Variants in FAT4 observed in about 807,000 individuals in gnomAD.
FAT4 encodes the protein protocadherin Fat 4.
Under a neutral mutation model 303.9 loss-of-function variants are expected in FAT4, and 84 were observed. That is an observed-to-expected ratio of 0.28 (90% CI 0.23 to 0.33). The LOEUF (loss-of-function observed/expected upper bound fraction) is 0.33. FAT4 is among the 10% of genes least tolerant of loss of function. FAT4 has a pLI of 1.00. For missense variants in FAT4, 6,005 were observed against 6,146.8 expected, an observed-to-expected ratio of 0.98 and a Z score of 0.77; for synonymous variants, 2,307 against 2,298.8, an observed-to-expected ratio of 1.00 and a Z score of -0.10.
rs763558049 is a variant in FAT4 at position 125,317,548 on chromosome 4, G to A, written c.1137G>A (p.Leu379=). Residue 379 remains leucine, a synonymous_variant, in exon 2 of 18, where the codon CTG becomes CTA. Transcript: ENST00000394329. The surrounding 1 kb of genome is among the most constrained non-coding windows in gnomAD (Gnocchi z 7.0). ...CTCAAGTGGGCACCGTGGTGGCTCT[G>A]CTCACCGTGACGGACGCAGATTCTC... ...ENAQVGTVVA[L]LTVTDADSPA... is the part of the protein sequence containing the mutation. 4.3e-6 allele frequency: 7 copies of A among 1,613,890 alleles called. No individual in the cohort carries two copies. In the South Asian group the frequency reaches 7.7e-5, roughly 18 times the overall value.
At position 125,472,872 on chromosome 4, in the gene FAT4, C is replaced by A. The variant is rs1726911189; in HGVS notation, c.12214-3299C>A. ...CATCCATCAAACTGCATTCAGGGTCCTACCAGGTTATTAAATGTATGTTAC... is the reference window on the plus strand; with the variant it reads ...CATCCATCAAACTGCATTCAGGGTCATACCAGGTTATTAAATGTATGTTAC... On this transcript the variant is annotated intron_variant, in intron 12 of 17. Transcript: ENST00000394329. Among the ~76,000 whole-genome samples the A allele has an allele frequency of 4.6e-5, 7 of 152,236 alleles. No homozygotes were observed. In the South Asian group the frequency reaches 1.4e-3, roughly 32 times the overall value.
chr4:125,387,138 A>G (rs1385145111), intron 2 of FAT4, among the ~76,000 whole-genome samples: 1 of 152,188 alleles, frequency 6.6e-6, no homozygotes, highest in East Asian at 1.9e-4. Flanking sequence ...GGTTCCTAAC[A>G]GGCCACAAAC....
At chr4:125,371,085 T>A (rs1733090250) in intron 2 of FAT4, among the ~76,000 whole-genome samples, 2 of 150,086 alleles carry the variant, frequency 1.3e-5, no homozygotes, top group South Asian at 4.2e-4. Flanking sequence ...GAGGCAGAGG[T>A]TGCAGTGAGC....
chr4:125,394,634 A>G (rs1264211633), intron 2 of FAT4, among the ~76,000 whole-genome samples: 1 of 152,172 alleles, frequency 6.6e-6, no homozygotes, highest in Non-Finnish European at 1.5e-5. Context: ...TTTTCTCTAA[A>G]CTTCTAATGT....
At chr4:125,376,477 AT>A (rs1195594745) in intron 2 of FAT4, among the ~76,000 whole-genome samples, 1 of 152,192 alleles carries the variant, frequency 6.6e-6, no homozygotes, top group Non-Finnish European at 1.5e-5. Flanking sequence ...GAGGAATAGC[AT>A]TAGGAGAAAT....
chr4:125,329,605 T>C (rs1297359553), intron 2 of FAT4, among the ~76,000 whole-genome samples: 1 of 152,204 alleles, frequency 6.6e-6, no homozygotes, highest in Admixed American at 6.5e-5. Context: ...TAGCATTAAA[T>C]GACATATATA....
chr4:125,395,318 A>C (rs1403256741), intron 2 of FAT4, among the ~76,000 whole-genome samples: 1 of 152,012 alleles, frequency 6.6e-6, no homozygotes, highest in Non-Finnish European at 1.5e-5. Flanking sequence ...TTTCTTTTTT[A>C]TTCTTTTTTG....
chr4:125,381,912 G>A (rs1422948748), intron 2 of FAT4, among the ~76,000 whole-genome samples: 3 of 152,236 alleles, frequency 2.0e-5, no homozygotes, highest in South Asian at 4.1e-4. Flanking sequence ...ATCTTCACCA[G>A]GAATAGGTTC....
intron 2 of FAT4, among the ~76,000 whole-genome samples, chr4:125,356,271 G>A (rs1328002512): frequency 2.0e-5 from 3 of 152,066 alleles, no homozygotes; most frequent in Non-Finnish European, 2.9e-5. Flanking sequence ...AAAGTTGGAT[G>A]TATGATAAAG....
At chr4:125,436,469 TGA>T in intron 8 of FAT4, among the ~76,000 whole-genome samples, 1 of 152,152 alleles carries the variant, frequency 6.6e-6, no homozygotes, top group Non-Finnish European at 1.5e-5. Flanking sequence ...TATACACATT[TGA>T]GAGTCATCAG....
At chr4:125,484,955 G>A (rs533362913) in intron 16 of FAT4, among the ~76,000 whole-genome samples, 1 of 151,866 alleles carries the variant, frequency 6.6e-6, no homozygotes, top group Non-Finnish European at 1.5e-5. Flanking sequence ...TGGGCTCAAT[G>A]TATCCTCCCA....
intron 7 of FAT4, among the ~76,000 whole-genome samples, chr4:125,422,689 C>T (rs1309135991): frequency 6.6e-6 from 1 of 152,106 alleles, no homozygotes; most frequent in Non-Finnish European, 1.5e-5. Context: ...AGCTGCATGA[C>T]AGCAGACTAA....
At position 125,451,922 on chromosome 4, in the gene FAT4, G is replaced by A. The variant is rs2126061419; in HGVS notation, c.10912G>A (p.Val3638Met). The A allele has an allele frequency of 1.2e-6, 2 of 1,614,102 alleles. No individual in the cohort carries two copies. The highest frequency in any genetic ancestry group is 2.2e-5 in the East Asian group (1 of 44,874). ...NLFPGGILGS[V>M]KPQDPDVLDS... is the part of the protein sequence containing the mutation. ...GTTTCCCGGTGGGATTTTAGGCTCT[G>A]TGAAGCCACAGGATCCAGATGTGTT... is the stretch of plus-strand genomic sequence containing the variant. The change falls in exon 10 of 18, where the codon GTG (valine) becomes ATG (methionine). Residue 3638 changes from valine to methionine, a missense_variant. Transcript: ENST00000394329.
Position 125,451,079 on chromosome 4 carries a change from A to T in FAT4, c.10069A>T (p.Ile3357Phe), listed in dbSNP as rs1384371571. The T allele has an allele frequency of 1.2e-6, 2 of 1,613,972 alleles. No individual in the cohort carries two copies. The highest frequency in any genetic ancestry group is 1.3e-5 in the African/African-American group (1 of 74,908). The change falls in exon 10 of 18, where the codon ATT (isoleucine) becomes TTT (phenylalanine). Residue 3357 changes from isoleucine (I) to phenylalanine (F), a missense_variant. Coordinates refer to ENST00000394329, the MANE Select transcript of FAT4 (RefSeq NM_001291303.3). ...CCAGATCAATAAGAAGACTGGACAG[A>T]TTTATGTTTCTGGAATTCTTGATCG... ...GFQINKKTGQ[I>F]YVSGILDREK...
At chr4:125,336,934 T>C (rs1731600109) in intron 2 of FAT4, among the ~76,000 whole-genome samples, 1 of 152,032 alleles carries the variant, frequency 6.6e-6, no homozygotes, top group Non-Finnish European at 1.5e-5. Context: ...AAATATATCA[T>C]TTAATTATCT....
intron 7 of FAT4, 121 bp from the exon 8 acceptor site, chr4:125,434,124 T>A (rs946072198): frequency 3.1e-5 from 25 of 807,824 alleles, no homozygotes; most frequent in Non-Finnish European, 4.8e-5. Context: ...ACTTATGTGT[T>A]CAGAAATTTT....
Position 125,490,158 on chromosome 4 carries a change from C to T in FAT4, c.13342C>T (p.His4448Tyr), listed in dbSNP as rs750651046. ...TGGTGGCAGCTGTGAGCCAGGCCTG[C>T]ACTCCGGCTTCACCTGTAGCTGCCC... Reference protein sequence around the residue: ...QNGGSCEPGLHSGFTCSCPDS... With the variant: ...QNGGSCEPGLYSGFTCSCPDS... Residue 4448 changes from histidine to tyrosine, a missense_variant, in exon 18 of 18, where the codon CAC (histidine) becomes TAC (tyrosine). Physicochemically the swap from His to Tyr is moderately conservative, Grantham distance 83 (BLOSUM62 2). Coordinates refer to ENST00000394329, the MANE Select transcript of FAT4 (RefSeq NM_001291303.3). 1.2e-6 allele frequency: 2 copies of T among 1,614,100 alleles called. No individual in the cohort carries two copies. The highest frequency in any genetic ancestry group is 4.5e-5 in the East Asian group (2 of 44,844).
At chr4:125,348,561 A>G (rs904014293) in intron 2 of FAT4, among the ~76,000 whole-genome samples, 9 of 151,696 alleles carry the variant, frequency 5.9e-5, no homozygotes, top group African/African-American at 1.9e-4. Flanking sequence ...TCTCCACTCT[A>G]GGTATGACCA....
Position 125,451,638 on chromosome 4 carries a change from A to G in FAT4, c.10628A>G (p.Gln3543Arg), listed in dbSNP as rs760878180. 7 of 1,613,988 alleles carry G rather than the reference A, an allele frequency of 4.3e-6. No homozygotes were observed. Among genetic ancestry groups the G allele is most frequent in the South Asian group, 1.1e-5 (1 of 91,090 alleles). The change falls in exon 10 of 18, where the codon CAA becomes CGA. Residue 3543 changes from glutamine to arginine, a missense_variant. By Grantham distance (43) the Gln-to-Arg change is conservative. Coordinates refer to ENST00000394329, the MANE Select transcript of FAT4 (RefSeq NM_001291303.3). Reference protein sequence around the residue: ...QSTDPDLPPNQGPFTYYLLST... With the variant: ...QSTDPDLPPNRGPFTYYLLST... ...ACTGACCCTGATCTCCCTCCAAATCAAGGTCCCTTTACTTATTACTTGCTG... is the reference window on the plus strand; with the variant it reads ...ACTGACCCTGATCTCCCTCCAAATCGAGGTCCCTTTACTTATTACTTGCTG...
Sources: gnomAD v4.1 joint callset for allele counts (sites outside exome capture counted in the v4.1 genomes callset) on GRCh38, gnomAD v4.1.1 for gene constraint, Gnocchi (gnomAD v3.1) non-coding constraint, MANE v1.5 for transcripts, NCBI Gene and HGNC (gene_info 2026-07-23, HGNC 2026-07-21) for gene names.